The following CCL26 variants were observed in gnomAD, a reference collection of about 807,000 sequenced individuals.
The protein encoded by CCL26 is C-C motif chemokine ligand 26.
CCL26 carries 10 observed loss-of-function variants against 10.7 expected under a neutral mutation model. The ratio of observed to expected loss-of-function variants is 0.93; its 90% CI spans 0.57 to 1.58. CCL26 has a LOEUF of 1.58. Ranked by LOEUF, CCL26 falls within the 40% of genes most tolerant of loss-of-function variation. The pLI is 0.00. For synonymous variants in CCL26, 43 were observed against 41.4 expected (o/e 1.04, Z -0.15); for missense variants, 116 against 111.0 (o/e 1.05, Z -0.20).
At chr7:75,776,947 A>G (rs1802955426), upstream of CCL26, among the ~76,000 whole-genome samples, 1 of 151,940 alleles carries the variant, frequency 6.6e-6, no homozygotes, top group Non-Finnish European at 1.5e-5. Context: ...AAACGTGTTC[A>G]TGGCCAGGCG....
At chr7:75,790,319 A>T (rs1803306937), upstream of CCL26, among the ~76,000 whole-genome samples, 1 of 144,676 alleles carries the variant, frequency 6.9e-6, no homozygotes, top group South Asian at 2.2e-4. Flanking sequence ...GTGCAATCAT[A>T]GCTCCCTGCA....
chr7:75,778,848 T>TGG (rs1554529061), intron 1 of CCL26, among the ~76,000 whole-genome samples: 28 of 149,142 alleles, frequency 1.9e-4, no homozygotes, highest in African/African-American at 6.3e-4. Context: ...GAGGCCAAGG[T>TGG]GGGGGGGGCA....
intron 1 of CCL26, among the ~76,000 whole-genome samples, chr7:75,779,138 C>A (rs1401053990): frequency 1.3e-5 from 2 of 152,114 alleles, no homozygotes; most frequent in Non-Finnish European, 2.9e-5. Context: ...AGAGAACAAC[C>A]CCATTTGACT....
upstream of CCL26, among the ~76,000 whole-genome samples, chr7:75,775,636 C>T (rs1304969514): frequency 2.0e-5 from 3 of 152,090 alleles, no homozygotes; most frequent in African/African-American, 7.2e-5. Flanking sequence ...AGGGCTGCAC[C>T]CTACACTCCT....
At chr7:75,791,120 G>A (rs963134399), upstream of CCL26, among the ~76,000 whole-genome samples, 3 of 149,732 alleles carry the variant, frequency 2.0e-5, no homozygotes, top group Admixed American at 6.7e-5. Flanking sequence ...TCTGCCTCCC[G>A]GGTTCAAGCA....
In CCL26 at chr7:75,788,101, C is replaced by T. The variant is rs578025312; in HGVS notation, c.-79+1616G>A. On this transcript the variant is annotated intron_variant, in intron 1 of 3. Coordinates refer to the CCL26 transcript ENST00000394905. ...TCTCCATACCACCCCCAAAAATTTT[C>T]GCCGCCCCAATACTTTACCACTATT... Among the ~76,000 whole-genome samples, 306 of 152,078 alleles carry T rather than the reference C, an allele frequency of 2.0e-3. 2 individuals are homozygous for T. Among genetic ancestry groups the T allele is most frequent in the African/African-American group, 6.7e-3 (279 of 41,478 alleles).
At chr7:75,778,137 G>T (rs926574706) in intron 1 of CCL26, among the ~76,000 whole-genome samples, 1 of 152,170 alleles carries the variant, frequency 6.6e-6, no homozygotes, top group Non-Finnish European at 1.5e-5. Context: ...TTTCCATAAT[G>T]ACTGAACCAA....
chr7:75,785,857 T>C (rs1803172522), intron 1 of CCL26, among the ~76,000 whole-genome samples: 1 of 152,178 alleles, frequency 6.6e-6, no homozygotes, highest in South Asian at 2.1e-4. Flanking sequence ...GCAGTTGGAA[T>C]TCTTACACAA....
upstream of CCL26, among the ~76,000 whole-genome samples, chr7:75,775,573 G>A (rs192748302): frequency 6.6e-6 from 1 of 152,280 alleles, no homozygotes; most frequent in African/African-American, 2.4e-5. Flanking sequence ...AGACCTCAGA[G>A]CTGGCTTAGC....
At chr7:75,775,502 G>C (rs1278688719), upstream of CCL26, among the ~76,000 whole-genome samples, 1 of 152,150 alleles carries the variant, frequency 6.6e-6, no homozygotes, top group Non-Finnish European at 1.5e-5. Flanking sequence ...GCAACGCAAG[G>C]GGAGTTATTA....
chr7:75,783,074 A>G (rs1554529612), intron 1 of CCL26, among the ~76,000 whole-genome samples: 1 of 152,100 alleles, frequency 6.6e-6, no homozygotes, highest in African/African-American at 2.4e-5. Flanking sequence ...GACCTGTCCA[A>G]CAATTTCCTC....
intron 1 of CCL26, among the ~76,000 whole-genome samples, chr7:75,785,326 C>T (rs187957251): frequency 1.3e-5 from 2 of 152,292 alleles, no homozygotes; most frequent in African/African-American, 4.8e-5. Context: ...CAGCCAAGCT[C>T]TTTCCCATGA....
upstream of CCL26, among the ~76,000 whole-genome samples, chr7:75,774,139 G>A (rs1434689537): frequency 6.6e-6 from 1 of 152,094 alleles, no homozygotes; most frequent in Non-Finnish European, 1.5e-5. Context: ...TCATGAGAGG[G>A]TGGTTTGTTT....
At chr7:75,770,069 A>ATT (rs10540427) in intron 2 of CCL26, among the ~76,000 whole-genome samples, 6 of 144,462 alleles carry the variant, frequency 4.2e-5, no homozygotes, top group East Asian at 4.1e-4. Flanking sequence ...AGGACACTTA[A>ATT]TTTTTTTTTT....
At chr7:75,770,562 G>A (rs1275120260) in intron 2 of CCL26, among the ~76,000 whole-genome samples, 1 of 151,074 alleles carries the variant, frequency 6.6e-6, no homozygotes, top group Non-Finnish European at 1.5e-5. Context: ...TGTATTTTTA[G>A]TAGAGACAGG....
chr7:75,769,585 C>G lies in CCL26; in HGVS notation c.*108G>C, dbSNP rs574548043. 3.1e-4 allele frequency: 196 copies of G among 640,794 alleles called. No individual in the cohort carries two copies. In the South Asian group the frequency reaches 3.8e-3, roughly 12 times the overall value. 39.7% of individuals were successfully genotyped at this position (640,794 alleles called of 1,614,324 possible). ...GTAACTCTGGGAGGAAACACCCTCT[C>G]CTCCCCAGCGGGTCCATGTAGCCTT... On this transcript the variant is annotated 3_prime_UTR_variant, in exon 3 of 3. Coordinates refer to ENST00000005180, the MANE Select transcript of CCL26 (RefSeq NM_001371938.1).
At chr7:75,785,340 A>C (rs1398194150) in intron 1 of CCL26, among the ~76,000 whole-genome samples, 13 of 151,726 alleles carry the variant, frequency 8.6e-5, no homozygotes, top group African/African-American at 3.1e-4. Flanking sequence ...CCCATGATTT[A>C]TTTTCTTTCT....
At chr7:75,780,600 A>G (rs1803040006) in intron 1 of CCL26, among the ~76,000 whole-genome samples, 2 of 152,126 alleles carry the variant, frequency 1.3e-5, no homozygotes, top group African/African-American at 4.8e-5. Context: ...ATAGGCAAAC[A>G]GTCTGAGGTG....
chr7:75,785,858 T>C (rs1803172566), intron 1 of CCL26, among the ~76,000 whole-genome samples: 1 of 152,180 alleles, frequency 6.6e-6, no homozygotes, highest in Non-Finnish European at 1.5e-5. Flanking sequence ...CAGTTGGAAT[T>C]CTTACACAAG....
Sources: allele counts gnomAD v4.1 joint callset (sites outside exome capture counted in the v4.1 genomes callset), GRCh38; gene constraint gnomAD v4.1.1; transcripts MANE v1.5; gene names NCBI Gene and HGNC (gene_info 2026-07-23, HGNC 2026-07-21).